The following LOC128125817 variants were observed in gnomAD, a reference collection of about 807,000 sequenced individuals.
the LOC128125817 span, among the ~76,000 whole-genome samples, chr1:41,619,945 C>T: frequency 1.1e-3 from 174 of 152,242 alleles, no homozygotes; most frequent in Admixed American, 2.4e-3. Flanking sequence ...TGAATTTGCA[C>T]GTCTAGGAAT....
the LOC128125817 span, among the ~76,000 whole-genome samples, chr1:41,590,855 C>T: frequency 1.2e-4 from 18 of 152,144 alleles, no homozygotes; most frequent in Admixed American, 3.3e-4. Flanking sequence ...CACAGCACAG[C>T]GACTCCCAAG....
the LOC128125817 span, among the ~76,000 whole-genome samples, chr1:41,590,387 G>T: frequency 3.3e-5 from 5 of 152,216 alleles, no homozygotes; most frequent in African/African-American, 9.7e-5. Flanking sequence ...AGCCTCTCTT[G>T]CAGCTAGTTC....
the LOC128125817 span, among the ~76,000 whole-genome samples, chr1:41,593,717 G>T: frequency 2.0e-5 from 3 of 152,358 alleles, no homozygotes; most frequent in African/African-American, 7.2e-5. Flanking sequence ...CAAAATGGTT[G>T]TATTTGGTTC....
the LOC128125817 span, among the ~76,000 whole-genome samples, chr1:41,618,429 T>C: frequency 3.9e-5 from 6 of 152,206 alleles, no homozygotes; most frequent in African/African-American, 7.2e-5. Flanking sequence ...GCTGGTTTAT[T>C]CCAAAGGGCG....
At chr1:41,608,555 T>G in the LOC128125817 span, among the ~76,000 whole-genome samples, 1 of 152,186 alleles carries the variant, frequency 6.6e-6, no homozygotes, top group Non-Finnish European at 1.5e-5. Flanking sequence ...GCTAACCCAT[T>G]CCTTTTCTGT....
the LOC128125817 span, among the ~76,000 whole-genome samples, chr1:41,588,724 C>T: frequency 3.1e-4 from 47 of 152,272 alleles, no homozygotes; most frequent in East Asian, 4.6e-3. Context: ...GCTGCCAGGG[C>T]GCAGAGTGAG....
chr1:41,607,334 A>G, the LOC128125817 span, among the ~76,000 whole-genome samples: 3 of 152,222 alleles, frequency 2.0e-5, no homozygotes, highest in Non-Finnish European at 4.4e-5. Context: ...GAAATGACCA[A>G]TCTGGTCTTC....
the LOC128125817 span, among the ~76,000 whole-genome samples, chr1:41,589,606 G>A: frequency 2.0e-5 from 3 of 152,230 alleles, no homozygotes; most frequent in Admixed American, 6.5e-5. Context: ...TGGGAGATGG[G>A]CTCTCTCAGG....
the LOC128125817 span, among the ~76,000 whole-genome samples, chr1:41,610,020 A>G: frequency 6.6e-6 from 1 of 152,212 alleles, no homozygotes; most frequent in Non-Finnish European, 1.5e-5. Flanking sequence ...TGCCCTCCCC[A>G]GAGGACAGGG....
the LOC128125817 span, among the ~76,000 whole-genome samples, chr1:41,593,002 A>G: frequency 6.6e-6 from 1 of 152,080 alleles, no homozygotes. Context: ...CATGTCATCA[A>G]TCCCCAAATC....
At chr1:41,619,156 G>C in the LOC128125817 span, among the ~76,000 whole-genome samples, 1 of 150,858 alleles carries the variant, frequency 6.6e-6, no homozygotes, top group African/African-American at 2.4e-5. Context: ...CACTCCTCCA[G>C]CCACACCAGC....
the LOC128125817 span, among the ~76,000 whole-genome samples, chr1:41,623,869 T>C: frequency 1.3e-5 from 2 of 149,496 alleles, no homozygotes; most frequent in African/African-American, 2.5e-5. Flanking sequence ...CCTTGACCTG[T>C]TGAATGGCCA....
chr1:41,595,355 G>A, the LOC128125817 span, among the ~76,000 whole-genome samples: 1 of 152,162 alleles, frequency 6.6e-6, no homozygotes, highest in Admixed American at 6.5e-5. Context: ...TGGCGTTTCA[G>A]TCCTGTCAAA....
the LOC128125817 span, among the ~76,000 whole-genome samples, chr1:41,602,290 A>AT: frequency 6.6e-6 from 1 of 151,792 alleles, no homozygotes; most frequent in Non-Finnish European, 1.5e-5. Flanking sequence ...CTCCTCTTCA[A>AT]TTTTTTTTGG....
the LOC128125817 span, among the ~76,000 whole-genome samples, chr1:41,616,083 C>T: frequency 6.6e-6 from 1 of 152,024 alleles, no homozygotes; most frequent in African/African-American, 2.4e-5. Flanking sequence ...GAGCTTCTGT[C>T]ACCTCTCCCT....
At chr1:41,591,498 T>C in the LOC128125817 span, among the ~76,000 whole-genome samples, 2 of 152,064 alleles carry the variant, frequency 1.3e-5, no homozygotes, top group South Asian at 4.2e-4. Context: ...ACTTTTCAGA[T>C]TGAAGGCTTC....
chr1:41,589,281 G>C, the LOC128125817 span, among the ~76,000 whole-genome samples: 2 of 152,216 alleles, frequency 1.3e-5, no homozygotes, highest in African/African-American at 4.8e-5. Flanking sequence ...AGGCCAGTGA[G>C]AGCTCTCGCT....
At chr1:41,623,040 CG>C in the LOC128125817 span, among the ~76,000 whole-genome samples, 1 of 152,192 alleles carries the variant, frequency 6.6e-6, no homozygotes, top group East Asian at 1.9e-4. Context: ...AGACAGAGCC[CG>C]GATGCAAACC....
At chr1:41,603,798 C>T in the LOC128125817 span, among the ~76,000 whole-genome samples, 1 of 152,172 alleles carries the variant, frequency 6.6e-6, no homozygotes, top group Non-Finnish European at 1.5e-5. Flanking sequence ...GTGTATTCTG[C>T]TGCTATTTGG....
Sources: gnomAD v4.1 joint callset for allele counts (sites outside exome capture counted in the v4.1 genomes callset) on GRCh38, gnomAD v4.1.1 for gene constraint, MANE v1.5 for transcripts.